Variants in POU6F2 observed in about 807,000 individuals in gnomAD.
The protein encoded by POU6F2 is POU class 6 homeobox 2, also known as POU domain, class 6, transcription factor 2.
In POU6F2, 31 loss-of-function variants were observed where a neutral mutation model predicts 71.3. The ratio of observed to expected loss-of-function variants is 0.43; its 90% CI spans 0.33 to 0.59. POU6F2 has a LOEUF of 0.59. POU6F2 is among the 20% of genes least tolerant of loss of function. POU6F2 has a pLI of 0.04. For missense variants in POU6F2, 783 were observed against 856.8 expected (o/e 0.91, Z 1.07); for synonymous variants, 347 against 355.7 (o/e 0.98, Z 0.27).
intron 2 of POU6F2, among the ~76,000 whole-genome samples, chr7:39,181,965 C>G (rs1793444399): frequency 6.6e-6 from 1 of 152,152 alleles, no homozygotes; most frequent in African/African-American, 2.4e-5. Context: ...TAACCTTTCT[C>G]TCTTAACTAC....
At chr7:39,249,099 T>C (rs988839086) in intron 4 of POU6F2, among the ~76,000 whole-genome samples, 5 of 152,204 alleles carry the variant, frequency 3.3e-5, no homozygotes, top group African/African-American at 1.2e-4. Flanking sequence ...CCTCCTGACA[T>C]CTAGGCCCCA....
chr7:39,232,097 A>G (rs2128750152), intron 4 of POU6F2, among the ~76,000 whole-genome samples: 1 of 152,376 alleles, frequency 6.6e-6, no homozygotes, highest in Admixed American at 6.5e-5. Flanking sequence ...TAAAATTATC[A>G]TTGAATTTTC....
intron 2 of POU6F2, among the ~76,000 whole-genome samples, chr7:39,179,515 GCACGCGCGCA>G (rs1388271847): frequency 6.6e-6 from 1 of 151,766 alleles, no homozygotes; most frequent in Non-Finnish European, 1.5e-5. Flanking sequence ...GACTGAGACC[GCACGCGCGCA>G]CATGCGCGCA....
At chr7:39,088,270 A>G (rs1325227141) in intron 2 of POU6F2, among the ~76,000 whole-genome samples, 1 of 151,778 alleles carries the variant, frequency 6.6e-6, no homozygotes, top group African/African-American at 2.4e-5. Flanking sequence ...CAGGAGGAAG[A>G]CACTCTAATA....
intron 1 of POU6F2, among the ~76,000 whole-genome samples, chr7:38,996,842 C>T (rs1261883546): frequency 6.6e-6 from 1 of 152,168 alleles, no homozygotes. Context: ...TTCACTGAAT[C>T]TTGGGCCCTC....
At chr7:39,062,464 A>G (rs73697939) in intron 1 of POU6F2, among the ~76,000 whole-genome samples, 11,899 of 151,216 alleles carry the variant, frequency 0.079, 583 homozygotes, top group African/African-American at 0.14. Context: ...GTTATTGCCA[A>G]AAGTGACTAC....
chr7:39,440,671 G>T (rs1788379420), intron 7 of POU6F2, among the ~76,000 whole-genome samples: 1 of 152,110 alleles, frequency 6.6e-6, no homozygotes, highest in Non-Finnish European at 1.5e-5. Flanking sequence ...GCTATCTTCT[G>T]ATACTTCTGT....
chr7:39,131,194 C>T (rs1363304456), intron 2 of POU6F2, among the ~76,000 whole-genome samples: 2 of 152,156 alleles, frequency 1.3e-5, no homozygotes, highest in Non-Finnish European at 2.9e-5. Context: ...CTTTTTTCCC[C>T]TTCCCCTCCT....
At chr7:39,430,037 G>C (rs2073542) in intron 6 of POU6F2, among the ~76,000 whole-genome samples, 44,557 of 152,052 alleles carry the variant, frequency 0.29, 6,932 homozygotes, top group East Asian at 0.52. Context: ...GTTCTGATTA[G>C]ATCTGTGGCC....
chr7:39,204,200 A>G, intron 2 of POU6F2, 35 bp from the exon 3 acceptor site: 3 of 1,562,740 alleles, frequency 1.9e-6, no homozygotes, highest in South Asian at 1.1e-5. Context: ...AAGCTGGATC[A>G]TATATTAAGG....
At chr7:39,376,685 C>A (rs996328054) in intron 5 of POU6F2, among the ~76,000 whole-genome samples, 1 of 152,158 alleles carries the variant, frequency 6.6e-6, no homozygotes, top group Non-Finnish European at 1.5e-5. Flanking sequence ...AATTTATTAT[C>A]TACTTGAATA....
intron 5 of POU6F2, among the ~76,000 whole-genome samples, chr7:39,343,860 G>T (rs1307753425): frequency 2.6e-5 from 4 of 152,150 alleles, no homozygotes; most frequent in South Asian, 2.1e-4. Context: ...TTGAAAACTT[G>T]ATGGTCCTGA....
intron 1 of POU6F2, among the ~76,000 whole-genome samples, chr7:39,037,579 T>C (rs769589337): frequency 6.6e-6 from 1 of 152,048 alleles, no homozygotes; most frequent in Non-Finnish European, 1.5e-5. Flanking sequence ...TCTAGTAACA[T>C]TTGCTTTCTC....
At chr7:39,017,833 T>TGTGTGTGTGTGTGTGA (rs1789594411) in intron 1 of POU6F2, among the ~76,000 whole-genome samples, 1 of 151,824 alleles carries the variant, frequency 6.6e-6, no homozygotes, top group Admixed American at 6.6e-5. Flanking sequence ...TGTGTGTGTG[T>TGTGTGTGTGTGTGTGA]GTGTGTGTGA....
intron 4 of POU6F2, among the ~76,000 whole-genome samples, chr7:39,324,296 G>A (rs1334507567): frequency 6.6e-6 from 1 of 152,190 alleles, no homozygotes; most frequent in Non-Finnish European, 1.5e-5. Flanking sequence ...CTCTCTGAGA[G>A]TTGACACTTT....
intron 2 of POU6F2, among the ~76,000 whole-genome samples, chr7:39,196,670 A>G (rs1793792427): frequency 6.6e-6 from 1 of 152,110 alleles, no homozygotes; most frequent in South Asian, 2.1e-4. Flanking sequence ...GAGACAGGAG[A>G]ATCGCTTGAA....
rs796228056 is a variant in POU6F2, at chr7:39,274,895, G to A, written c.599-64747G>A. Reference sequence around the variant, plus strand: ...TCAGTAAATTAGGTATTGATGGGACGTATCTCAAAATAATAAGAGCTATCT... The same window carrying A: ...TCAGTAAATTAGGTATTGATGGGACATATCTCAAAATAATAAGAGCTATCT... On this transcript the variant is annotated intron_variant, in intron 4 of 9. Transcript: ENST00000518318. Among the ~76,000 whole-genome samples the A allele has an allele frequency of 1.2e-3, 175 of 151,728 alleles. 1 individual carries two copies. In the South Asian group the frequency reaches 0.034, roughly 29 times the overall value.
At chr7:39,353,828 A>G (rs1325106068) in intron 5 of POU6F2, among the ~76,000 whole-genome samples, 2 of 152,220 alleles carry the variant, frequency 1.3e-5, no homozygotes, top group Admixed American at 6.5e-5. Flanking sequence ...TCGGAAATTT[A>G]TCTTAATTAG....
chr7:39,108,244 G>A (rs187468496), intron 2 of POU6F2, among the ~76,000 whole-genome samples: 1 of 152,124 alleles, frequency 6.6e-6, no homozygotes, highest in African/African-American at 2.4e-5. Flanking sequence ...TGGGAGGAGG[G>A]AGTGTAAGGA....
Sources: gnomAD v4.1 joint callset for allele counts (sites outside exome capture counted in the v4.1 genomes callset) on GRCh38, gnomAD v4.1.1 for gene constraint, MANE v1.5 for transcripts, NCBI Gene and HGNC (gene_info 2026-07-23, HGNC 2026-07-21) for gene names.